STAG1: variants seen among roughly 807,000 people sequenced by gnomAD.
STAG1 encodes the protein STAG1 cohesin complex component.
Under a neutral mutation model 170.9 loss-of-function variants are expected in STAG1, and 26 were observed. The ratio of observed to expected loss-of-function variants is 0.15; its 90% CI spans 0.11 to 0.21. The LOEUF (loss-of-function observed/expected upper bound fraction) is 0.21. STAG1 is among the 10% of genes least tolerant of loss of function. The pLI is 1.00. For missense variants in STAG1, 964 were observed against 1,509.5 expected, an observed-to-expected ratio of 0.64 and a Z score of 5.99; for synonymous variants, 514 against 497.7, an observed-to-expected ratio of 1.03 and a Z score of -0.44.
chr3:136,743,803 C>T (rs1018154938), intron 1 of STAG1, among the ~76,000 whole-genome samples: 8 of 151,942 alleles, frequency 5.3e-5, no homozygotes, highest in African/African-American at 1.5e-4. Flanking sequence ...AAGCAATATG[C>T]CTAGTGAAGA....
intron 7 of STAG1, among the ~76,000 whole-genome samples, chr3:136,507,061 A>G (rs957329243): frequency 9.2e-5 from 14 of 152,246 alleles, no homozygotes; most frequent in Admixed American, 3.9e-4. Flanking sequence ...AAATCTACGA[A>G]GGAAGTACTA....
intron 1 of STAG1, among the ~76,000 whole-genome samples, chr3:136,657,690 T>C (rs1481601463): frequency 6.6e-6 from 1 of 152,094 alleles, no homozygotes; most frequent in Non-Finnish European, 1.5e-5. Flanking sequence ...GGCATGATGG[T>C]ACATGCCTGT....
intron 9 of STAG1, among the ~76,000 whole-genome samples, chr3:136,488,814 A>T (rs1230126198): frequency 1.3e-5 from 2 of 152,220 alleles, no homozygotes; most frequent in East Asian, 3.8e-4. Flanking sequence ...TGATTACAAC[A>T]TATCTTTTGA....
chr3:136,680,369 C>T (rs1942292583), intron 1 of STAG1, among the ~76,000 whole-genome samples: 1 of 152,050 alleles, frequency 6.6e-6, no homozygotes, highest in African/African-American at 2.4e-5. Flanking sequence ...AAAACAATCC[C>T]TTTTTTAAAA....
intron 28 of STAG1, among the ~76,000 whole-genome samples, chr3:136,356,153 T>C (rs1213817751): frequency 6.6e-6 from 1 of 151,388 alleles, no homozygotes; most frequent in African/African-American, 2.4e-5. Flanking sequence ...GCCTCCGGAA[T>C]AGCTGGGATT....
intron 3 of STAG1, among the ~76,000 whole-genome samples, chr3:136,621,274 G>A (rs1050431774): frequency 6.6e-6 from 1 of 152,208 alleles, no homozygotes; most frequent in Non-Finnish European, 1.5e-5. Flanking sequence ...TAAGGAGACA[G>A]TACTTAATCT....
chr3:136,672,370 A>C (rs970649447), intron 1 of STAG1, among the ~76,000 whole-genome samples: 1 of 152,252 alleles, frequency 6.6e-6, no homozygotes, highest in South Asian at 2.1e-4. Context: ...AAAAATACAT[A>C]GTGAGAAATA....
Position 136,570,454 on chromosome 3 carries a change from G to C in STAG1, c.298-1593C>G, listed in dbSNP as rs1318843375. On this transcript the variant is annotated intron_variant, in intron 4 of 33. Transcript: ENST00000383202. ...CACCCATTTTACTGTTGAGGAATAT[G>C]AGTACTCTTTGCAGTTTAGGGCTAT... Among the ~76,000 whole-genome samples, 5 of 152,158 alleles carry C rather than the reference G, an allele frequency of 3.3e-5. No individual in the cohort carries two copies. In the East Asian group the frequency reaches 9.6e-4, roughly 29 times the overall value.
At chr3:136,442,522 C>T (rs2088661609) in intron 15 of STAG1, among the ~76,000 whole-genome samples, 1 of 151,976 alleles carries the variant, frequency 6.6e-6, no homozygotes, top group Non-Finnish European at 1.5e-5. Flanking sequence ...TCTTATGTCC[C>T]CCTATTTCTT....
At chr3:136,599,417 G>C (rs1352494128) in intron 4 of STAG1, among the ~76,000 whole-genome samples, 1 of 152,144 alleles carries the variant, frequency 6.6e-6, no homozygotes, top group African/African-American at 2.4e-5. Flanking sequence ...TGTAGTCCCA[G>C]CTACTTGGGA....
chr3:136,339,952 C>T (rs982172195), intron 32 of STAG1, among the ~76,000 whole-genome samples: 4 of 152,048 alleles, frequency 2.6e-5, no homozygotes, highest in Non-Finnish European at 4.4e-5. Flanking sequence ...TACACAGTGA[C>T]GCTGAAAGAT....
At chr3:136,653,829 T>G (rs773191100) in intron 1 of STAG1, among the ~76,000 whole-genome samples, 6 of 152,194 alleles carry the variant, frequency 3.9e-5, no homozygotes, top group Non-Finnish European at 7.3e-5. Flanking sequence ...AATGCAAGGA[T>G]GGTTCAATAT....
intron 21 of STAG1, among the ~76,000 whole-genome samples, chr3:136,414,169 C>A: frequency 6.6e-6 from 1 of 151,696 alleles, no homozygotes; most frequent in Middle Eastern, 3.2e-3. Flanking sequence ...CTCAAGATGA[C>A]AGTGAAGTTT....
intron 1 of STAG1, among the ~76,000 whole-genome samples, chr3:136,711,042 C>T (rs895863792): frequency 1.3e-5 from 2 of 151,100 alleles, no homozygotes; most frequent in Non-Finnish European, 2.9e-5. Flanking sequence ...TTTCTGAAAT[C>T]CCACTTACAA....
At chr3:136,458,913 A>C (rs1365245462) in intron 13 of STAG1, among the ~76,000 whole-genome samples, 1 of 152,194 alleles carries the variant, frequency 6.6e-6, no homozygotes, top group Admixed American at 6.5e-5. Flanking sequence ...CTTTAAGTCA[A>C]GAATGATTAA....
At chr3:136,374,621 A>C (rs1469384769) in intron 23 of STAG1, among the ~76,000 whole-genome samples, 1 of 151,596 alleles carries the variant, frequency 6.6e-6, no homozygotes, top group Non-Finnish European at 1.5e-5. Flanking sequence ...CCGTCTCAAA[A>C]AAAAAAAATT....
chr3:136,378,690 T>G (rs1337222239), intron 22 of STAG1, among the ~76,000 whole-genome samples: 1 of 152,104 alleles, frequency 6.6e-6, no homozygotes, highest in African/African-American at 2.4e-5. Context: ...ATTTATCGAG[T>G]GCTTACAACC....
chr3:136,737,630 T>C (rs560770708), intron 1 of STAG1, among the ~76,000 whole-genome samples: 27 of 152,256 alleles, frequency 1.8e-4, no homozygotes, highest in Non-Finnish European at 3.1e-4. Flanking sequence ...CAGTTAATGA[T>C]ACCGCTTACT....
chr3:136,527,048 G>A (rs888755633), intron 6 of STAG1, among the ~76,000 whole-genome samples: 2 of 152,054 alleles, frequency 1.3e-5, no homozygotes, highest in South Asian at 2.1e-4. Context: ...TTTCAACTTC[G>A]GTGAATCTGA....
Sources: gnomAD v4.1 joint callset for allele counts (sites outside exome capture counted in the v4.1 genomes callset) on GRCh38, gnomAD v4.1.1 for gene constraint, MANE v1.5 for transcripts, NCBI Gene and HGNC (gene_info 2026-07-23, HGNC 2026-07-21) for gene names.